PKN2: variants seen among roughly 807,000 people sequenced by gnomAD.
PKN2 encodes serine/threonine-protein kinase N2.
Under a neutral mutation model 119.1 loss-of-function variants are expected in PKN2, and 38 were observed. That is an observed-to-expected ratio of 0.32 (90% confidence interval 0.25 to 0.42). PKN2 has a LOEUF of 0.42. Among genes scored for constraint, PKN2 ranks in the 10% least tolerant of loss-of-function variants. PKN2 has a pLI of 1.00. For missense variants in PKN2, 850 were observed against 1,165.1 expected (o/e 0.73, Z 3.94); for synonymous variants, 390 against 384.9 (o/e 1.01, Z -0.15).
chr1:88,803,765 T>C (rs1671426653), intron 8 of PKN2, among the ~76,000 whole-genome samples: 1 of 152,234 alleles, frequency 6.6e-6, no homozygotes, highest in Admixed American at 6.5e-5. Flanking sequence ...TTTATTGTTA[T>C]AATAAATGAA....
At chr1:88,742,094 CGTTTAA>C (rs1456270841) in intron 2 of PKN2, among the ~76,000 whole-genome samples, 3 of 151,952 alleles carry the variant, frequency 2.0e-5, no homozygotes, top group Non-Finnish European at 4.4e-5. Flanking sequence ...CAAAAACTTA[CGTTTAA>C]GTTTAAGCCA....
chr1:88,716,723 A>G (rs1667473559), intron 1 of PKN2, among the ~76,000 whole-genome samples: 1 of 152,106 alleles, frequency 6.6e-6, no homozygotes, highest in South Asian at 2.1e-4. Flanking sequence ...AATACAGCAC[A>G]CTGATGGGTC....
intron 2 of PKN2, among the ~76,000 whole-genome samples, chr1:88,756,734 A>G (rs947184969): frequency 1.1e-4 from 16 of 152,200 alleles, no homozygotes; most frequent in African/African-American, 3.9e-4. Flanking sequence ...CTGTTCAGTC[A>G]TTGTTATAAT....
chr1:88,821,491 A>C (rs1180758660), intron 16 of PKN2, among the ~76,000 whole-genome samples: 1 of 152,182 alleles, frequency 6.6e-6, no homozygotes, highest in Non-Finnish European at 1.5e-5. Flanking sequence ...TTTTCAGCCT[A>C]ATCTCCTACT....
At chr1:88,774,984 T>C (rs755696710) in intron 6 of PKN2, among the ~76,000 whole-genome samples, 56 of 152,338 alleles carry the variant, frequency 3.7e-4, no homozygotes, top group South Asian at 6.2e-4. Context: ...GTTGGGATTA[T>C]AGGCGTGAGC....
chr1:88,707,845 A>C (rs1667062726), intron 1 of PKN2, among the ~76,000 whole-genome samples: 1 of 152,154 alleles, frequency 6.6e-6, no homozygotes, highest in Non-Finnish European at 1.5e-5. Context: ...ATGACATTTT[A>C]CATTTCTTTA....
intron 1 of PKN2, among the ~76,000 whole-genome samples, chr1:88,689,507 C>G (rs1172520803): frequency 6.6e-6 from 1 of 151,968 alleles, no homozygotes; most frequent in Non-Finnish European, 1.5e-5. Context: ...TGAGTCACGG[C>G]TTTATTAAGA....
chr1:88,750,236 G>A (rs1378585395), intron 2 of PKN2, among the ~76,000 whole-genome samples: 1 of 152,184 alleles, frequency 6.6e-6, no homozygotes, highest in Non-Finnish European at 1.5e-5. Flanking sequence ...TCCTGGGTCT[G>A]AGAAGTAAAG....
chr1:88,718,991 A>C (rs1444730475), intron 1 of PKN2, among the ~76,000 whole-genome samples: 1 of 152,006 alleles, frequency 6.6e-6, no homozygotes, highest in East Asian at 1.9e-4. Context: ...CCATTCCTAA[A>C]CCCCCACCTA....
At chr1:88,758,905 T>A (rs1669329562) in intron 2 of PKN2, among the ~76,000 whole-genome samples, 1 of 152,226 alleles carries the variant, frequency 6.6e-6, no homozygotes, top group South Asian at 2.1e-4. Flanking sequence ...ATATACCCAG[T>A]AATGGGATTG....
chr1:88,801,292 G>C (rs1671298195), intron 8 of PKN2, among the ~76,000 whole-genome samples: 1 of 152,152 alleles, frequency 6.6e-6, no homozygotes, highest in Non-Finnish European at 1.5e-5. Context: ...GGCTGAGGCA[G>C]GAGAATCACT....
At position 88,684,314 on chromosome 1, in the gene PKN2, G is replaced by C. The variant is rs537689925; in HGVS notation, c.-267G>C. ...CACGGAGAGGCTTGAGGCGGCTCCTGGCGTCGCCCAGAGGGAGCGACTAGA... is the reference window on the plus strand; with the variant it reads ...CACGGAGAGGCTTGAGGCGGCTCCTCGCGTCGCCCAGAGGGAGCGACTAGA... On this transcript the variant is annotated 5_prime_UTR_variant, in exon 1 of 22. Transcript: ENST00000370521. 7.4e-6 allele frequency: 3 copies of C among 404,852 alleles called. No homozygotes were observed. Among genetic ancestry groups the C allele is most frequent in the Non-Finnish European group, 1.3e-5 (3 of 226,626 alleles). 25.1% of individuals were successfully genotyped at this position (404,852 alleles called of 1,614,324 possible).
At position 88,764,908 on chromosome 1, in the gene PKN2, GTTA is replaced by G. The variant is rs544464541; in HGVS notation, c.504+4535_504+4537del. Among the ~76,000 whole-genome samples the G allele has an allele frequency of 3.7e-4, 56 of 151,898 alleles. No homozygotes were observed. The East Asian group carries it at 5.1e-3, about 14-fold the overall frequency. The stretch of plus-strand genomic sequence containing the variant: ...AAAGACATGCCTCCTGTTTTTTGTT[GTTA>G]TTGTTGTTTTGTTTTGTTTTGTTTT... On this transcript the variant is annotated intron_variant, in intron 3 of 21. Transcript: ENST00000370521.
At chr1:88,725,537 G>A (rs965007627) in intron 1 of PKN2, among the ~76,000 whole-genome samples, 1 of 152,062 alleles carries the variant, frequency 6.6e-6, no homozygotes, top group African/African-American at 2.4e-5. Context: ...CTTGTTTGCC[G>A]TTATATATCC....
chr1:88,747,103 G>C lies in PKN2; in HGVS notation c.349+5815G>C, dbSNP rs1041525633. On this transcript the variant is annotated intron_variant, in intron 2 of 21. Coordinates refer to ENST00000370521, the MANE Select transcript of PKN2 (RefSeq NM_006256.4). ...GATTACCAGAGGCTTGAACTGGGGA[G>C]GGGGAGGATGGGTAAATGGGAAAGA... Among the ~76,000 whole-genome samples the C allele has an allele frequency of 8.5e-5, 13 of 152,248 alleles. 1 individual carries two copies. Among genetic ancestry groups the C allele is most frequent in the Admixed American group, 7.2e-4 (11 of 15,298 alleles).
In PKN2 at chr1:88,833,987, T is replaced by A. The variant is rs1672840618; in HGVS notation, c.*539T>A. 6.6e-6 allele frequency: 1 copy of A among 152,066 alleles called. No individual in the cohort carries two copies. Among genetic ancestry groups the A allele is most frequent in the African/African-American group, 2.4e-5 (1 of 41,440 alleles). 9.4% of individuals were successfully genotyped at this position (152,066 alleles called of 1,614,324 possible). On this transcript the variant is annotated 3_prime_UTR_variant, in exon 22 of 22. Transcript: ENST00000370521. Reference sequence around the variant, plus strand: ...TATACAACTCGGGGCTTGATTTTTTTTAAAAAAACAGAATGAATTGATGTC... The same window carrying A: ...TATACAACTCGGGGCTTGATTTTTTATAAAAAAACAGAATGAATTGATGTC...
chr1:88,731,638 A>G (rs1472732154), intron 1 of PKN2, among the ~76,000 whole-genome samples: 3 of 152,334 alleles, frequency 2.0e-5, no homozygotes, highest in East Asian at 1.9e-4. Flanking sequence ...CTAACATAGT[A>G]TATGAATCAT....
chr1:88,745,099 A>G (rs927861408), intron 2 of PKN2, among the ~76,000 whole-genome samples: 1 of 152,190 alleles, frequency 6.6e-6, no homozygotes, highest in Non-Finnish European at 1.5e-5. Context: ...AATTAGGTAT[A>G]GAAGAAATGT....
intron 1 of PKN2, among the ~76,000 whole-genome samples, chr1:88,731,059 T>G (rs1433547376): frequency 6.6e-6 from 1 of 152,238 alleles, no homozygotes; most frequent in Non-Finnish European, 1.5e-5. Context: ...CTGTCTTCTT[T>G]AATAAATTGA....
Sources: allele counts gnomAD v4.1 joint callset (sites outside exome capture counted in the v4.1 genomes callset), GRCh38; gene constraint gnomAD v4.1.1; transcripts MANE v1.5; gene names NCBI Gene and HGNC (gene_info 2026-07-23, HGNC 2026-07-21).